The following PTPRD variants were observed in gnomAD, a reference collection of about 807,000 sequenced individuals.
The protein encoded by PTPRD is protein tyrosine phosphatase receptor type D.
In PTPRD, 34 loss-of-function variants were observed where a neutral mutation model predicts 214.5. The ratio of observed to expected loss-of-function variants is 0.16; its 90% CI spans 0.12 to 0.21. PTPRD has a LOEUF of 0.21. Ranked by LOEUF, PTPRD falls within the 10% of genes least tolerant of loss-of-function variation. PTPRD has a pLI of 1.00. For synonymous variants in PTPRD, 1,128 were observed against 845.7 expected, an observed-to-expected ratio of 1.33 and a Z score of -5.79; for missense variants, 2,545 against 2,398.7, an observed-to-expected ratio of 1.06 and a Z score of -1.27.
chr9:8,825,978 C>A (rs968590867), intron 11 of PTPRD, among the ~76,000 whole-genome samples: 1 of 152,112 alleles, frequency 6.6e-6, no homozygotes, highest in South Asian at 2.1e-4. Context: ...TTTGTACTGA[C>A]CTTTTATCTT....
At chr9:9,483,216 T>G (rs2095490740) in intron 8 of PTPRD, among the ~76,000 whole-genome samples, 1 of 152,168 alleles carries the variant, frequency 6.6e-6, no homozygotes, top group African/African-American at 2.4e-5. Context: ...ACTTTAATTT[T>G]TACTGATAAT....
chr9:10,470,836 A>C lies in PTPRD; in HGVS notation c.-599-129819T>G, dbSNP rs569123798. On this transcript the variant is annotated intron_variant, in intron 2 of 45. Transcript: ENST00000381196. ...AGTGGTGGAGGGTATCAGAAGAAAG[A>C]TATGAAATAAAATTATAAAATATAT... 1.1e-4 allele frequency among the ~76,000 whole-genome samples: 16 copies of C among 152,304 alleles called. 1 individual carries two copies. In the South Asian group the frequency reaches 3.3e-3, roughly 32 times the overall value.
intron 2 of PTPRD, among the ~76,000 whole-genome samples, chr9:10,472,291 T>C (rs1194394653): frequency 2.6e-5 from 4 of 152,118 alleles, no homozygotes; most frequent in African/African-American, 9.7e-5. Flanking sequence ...TGCAAACTCA[T>C]TTATTCTCTA....
At chr9:8,870,580 G>C (rs771775551) in intron 11 of PTPRD, among the ~76,000 whole-genome samples, 11 of 151,976 alleles carry the variant, frequency 7.2e-5, no homozygotes. Context: ...CAACTATTCT[G>C]GTTACAGTTG....
At chr9:10,144,453 G>T (rs908225454) in intron 3 of PTPRD, among the ~76,000 whole-genome samples, 1 of 152,084 alleles carries the variant, frequency 6.6e-6, no homozygotes, top group African/African-American at 2.4e-5. Context: ...CCAGGAACTT[G>T]CTGTATTCCC....
At chr9:8,756,119 G>C (rs529361598) in intron 11 of PTPRD, among the ~76,000 whole-genome samples, 2 of 152,170 alleles carry the variant, frequency 1.3e-5, no homozygotes, top group Admixed American at 6.5e-5. Context: ...AAGAGAATCA[G>C]TGTAGTGCAA....
intron 8 of PTPRD, among the ~76,000 whole-genome samples, chr9:9,494,304 T>G (rs1029426157): frequency 3.3e-5 from 5 of 152,222 alleles, no homozygotes; most frequent in Non-Finnish European, 7.3e-5. Flanking sequence ...TTGAGAAAAC[T>G]GACTCCAATT....
intron 9 of PTPRD, among the ~76,000 whole-genome samples, chr9:9,238,292 A>T (rs6477378): frequency 0.86 from 130,857 of 151,532 alleles, 57,089 homozygotes; most frequent in Non-Finnish European, 0.92. Flanking sequence ...TAGTTACTGC[A>T]GTGTGAAGGC....
intron 3 of PTPRD, among the ~76,000 whole-genome samples, chr9:10,295,121 T>C (rs1408019637): frequency 6.6e-6 from 1 of 152,090 alleles, no homozygotes. Context: ...GGATATTGTA[T>C]ACATGGATTG....
At chr9:10,043,334 A>G (rs1269871319) in intron 3 of PTPRD, among the ~76,000 whole-genome samples, 1 of 151,944 alleles carries the variant, frequency 6.6e-6, no homozygotes, top group Non-Finnish European at 1.5e-5. Context: ...TTAGAGATCA[A>G]AATGATGCTT....
chr9:8,551,276 T>C (rs1305829609), intron 14 of PTPRD, among the ~76,000 whole-genome samples: 10 of 152,300 alleles, frequency 6.6e-5, no homozygotes, highest in South Asian at 2.1e-4. Context: ...TCAGAAGCCA[T>C]TGAGGAAATG....
chr9:8,867,895 C>G (rs1030498815), intron 11 of PTPRD, among the ~76,000 whole-genome samples: 1 of 152,070 alleles, frequency 6.6e-6, no homozygotes, highest in African/African-American at 2.4e-5. Flanking sequence ...TAATAGAACC[C>G]TGTATAATTG....
At chr9:9,867,530 A>G (rs2064287692) in intron 5 of PTPRD, among the ~76,000 whole-genome samples, 1 of 152,150 alleles carries the variant, frequency 6.6e-6, no homozygotes, top group Admixed American at 6.6e-5. Flanking sequence ...AGAATCTCAG[A>G]GGAACTGAGA....
chr9:10,522,090 G>A (rs1046579327), intron 2 of PTPRD, among the ~76,000 whole-genome samples: 3 of 152,084 alleles, frequency 2.0e-5, no homozygotes, highest in Non-Finnish European at 4.4e-5. Context: ...GAGATTAGGT[G>A]TGAAGGAAAG....
rs2098331601 is a variant in PTPRD, at chr9:10,405,037, T to C, written c.-599-64020A>G. ...CCAGCTTCAGACTGATGTAATTTCA[T>C]CCCTTCTTGCTTGTGAACAATCAGA... On this transcript the variant is annotated intron_variant, in intron 2 of 45. Transcript: ENST00000381196. Among the ~76,000 whole-genome samples, 2 of 6,742 alleles carry C rather than the reference T, an allele frequency of 3.0e-4. 1 individual carries two copies. The highest frequency in any genetic ancestry group is 5.0e-4 in the African/African-American group (2 of 3,974). 4.4% of individuals were successfully genotyped at this position (6,742 alleles called of 152,430 possible). A position where few individuals can be genotyped will look rare whatever the true frequency, so the allele number is the denominator to read the frequency against.
intron 3 of PTPRD, among the ~76,000 whole-genome samples, chr9:10,274,655 A>G (rs12002909): frequency 0.16 from 24,575 of 152,212 alleles, 2,094 homozygotes; most frequent in African/African-American, 0.2. Context: ...AATGTCTAGT[A>G]GCTTAAGGAA....
At chr9:8,466,811 GC>G (rs1429164848) in intron 31 of PTPRD, among the ~76,000 whole-genome samples, 1 of 151,828 alleles carries the variant, frequency 6.6e-6, no homozygotes, top group Non-Finnish European at 1.5e-5. Context: ...AAACAGTGCA[GC>G]AAAACTATTT....
intron 10 of PTPRD, among the ~76,000 whole-genome samples, chr9:9,055,123 A>G (rs2099693807): frequency 6.6e-6 from 1 of 152,208 alleles, no homozygotes. Context: ...AATACAAATA[A>G]GTGACAATAT....
chr9:9,939,013 CTT>C (rs58215302), intron 4 of PTPRD, among the ~76,000 whole-genome samples: 13,897 of 147,962 alleles, frequency 0.094, 1,300 homozygotes, highest in East Asian at 0.3. Context: ...TTCTGAATTC[CTT>C]TTTTTTTTTT....
Sources: allele counts gnomAD v4.1 joint callset (sites outside exome capture counted in the v4.1 genomes callset), GRCh38; gene constraint gnomAD v4.1.1; transcripts MANE v1.5; gene names NCBI Gene and HGNC (gene_info 2026-07-23, HGNC 2026-07-21).